The following USP14 variants were observed in gnomAD, a reference collection of about 807,000 sequenced individuals.
USP14 encodes the protein ubiquitin carboxyl-terminal hydrolase 14.
Under a neutral mutation model 76.5 loss-of-function variants are expected in USP14, and 38 were observed. That is an observed-to-expected ratio of 0.50 (90% confidence interval 0.38 to 0.65). USP14 has a LOEUF of 0.65. USP14 is among the 30% of genes least tolerant of loss of function. The pLI, the probability that USP14 is intolerant of heterozygous loss-of-function variation, is 0.00. For synonymous variants in USP14, 192 were observed against 191.7 expected (o/e 1.00, Z -0.01); for missense variants, 467 against 586.5 (o/e 0.80, Z 2.10).
intron 13 of USP14, among the ~76,000 whole-genome samples, chr18:206,065 G>T (rs2143094141): frequency 1.3e-5 from 2 of 152,296 alleles, no homozygotes; most frequent in East Asian, 3.9e-4. Context: ...CATTTCTCTG[G>T]AATGAATGCC....
At chr18:177,633 G>GTTTT (rs11438659) in intron 3 of USP14, among the ~76,000 whole-genome samples, 3 of 139,194 alleles carry the variant, frequency 2.2e-5, no homozygotes, top group Non-Finnish European at 3.1e-5. Flanking sequence ...TTCCCTCCCT[G>GTTTT]TTTTTTTTTT....
Position 165,599 on chromosome 18 carries a change from G to C in USP14, c.163-1188G>C, listed in dbSNP as rs149620609. 4.4e-4 allele frequency among the ~76,000 whole-genome samples: 67 copies of C among 152,268 alleles called. 1 individual carries two copies. The East Asian group carries it at 0.011, about 25-fold the overall frequency. On this transcript the variant is annotated intron_variant, in intron 2 of 15. Coordinates refer to ENST00000261601, the MANE Select transcript of USP14 (RefSeq NM_005151.4). The stretch of plus-strand genomic sequence containing the variant: ...TATTTTCTTTAATTCTCAGCTGTAT[G>C]TTATCCATATCTTATATATGAGGAA...
chr18:202,103 TTTTG>T (rs1326821633), intron 10 of USP14, among the ~76,000 whole-genome samples: 4 of 152,242 alleles, frequency 2.6e-5, no homozygotes, highest in African/African-American at 7.2e-5. Flanking sequence ...CTAATTTCTT[TTTTG>T]TTTGTTTTCT....
At position 171,024 on chromosome 18, in the gene USP14, AAATATATATATAT is replaced by A. The variant is rs1280088166; in HGVS notation, c.195+4207_195+4219del. ...CCCTGGAACTTAAAAAAAAAAAAAA[AAATATATATATAT>A]ATATATATATATATATATAAACTGA... On this transcript the variant is annotated intron_variant, in intron 3 of 15. Transcript: ENST00000261601. Among the ~76,000 whole-genome samples the A allele has an allele frequency of 9.1e-3, 534 of 58,804 alleles. 13 individuals carry two copies. The highest frequency in any genetic ancestry group is 0.025 in the African/African-American group (360 of 14,214). The allele number at this position is 58,804 out of a possible 152,430, so 38.6% of individuals were successfully genotyped here.
At chr18:187,601 A>G (rs559499269) in intron 5 of USP14, among the ~76,000 whole-genome samples, 16 of 152,288 alleles carry the variant, frequency 1.1e-4, no homozygotes, top group Non-Finnish European at 2.1e-4. Context: ...GACTTTCAGT[A>G]AGATGGATTT....
At chr18:202,648 C>T (rs1333733797) in intron 10 of USP14, among the ~76,000 whole-genome samples, 3 of 152,092 alleles carry the variant, frequency 2.0e-5, no homozygotes, top group African/African-American at 4.8e-5. Flanking sequence ...TATTTACACT[C>T]GGAGGAATCC....
rs990544192 is a variant in USP14 at position 203,633 on chromosome 18, G to A, written c.1035+443G>A. Among the ~76,000 whole-genome samples the A allele has an allele frequency of 7.0e-4, 106 of 150,776 alleles. 1 individual carries two copies. Among genetic ancestry groups the A allele is most frequent in the African/African-American group, 2.3e-3 (95 of 41,128 alleles). The stretch of plus-strand genomic sequence containing the variant: ...GTTTCTTTCTTTTTTTTTTTGAGAC[G>A]GAGTCTCGCTCTGTCACCCAGGCTG... On this transcript the variant is annotated intron_variant, in intron 12 of 15. Transcript: ENST00000261601.
At chr18:208,081 GTTTAT>G (rs1179630018) in intron 13 of USP14, among the ~76,000 whole-genome samples, 7 of 151,538 alleles carry the variant, frequency 4.6e-5, no homozygotes, top group South Asian at 2.1e-4. Flanking sequence ...AGTTTTATTT[GTTTAT>G]TTTATTTTAT....
intron 5 of USP14, among the ~76,000 whole-genome samples, chr18:182,743 G>A (rs1488628497): frequency 1.3e-5 from 2 of 152,216 alleles, no homozygotes; most frequent in Non-Finnish European, 2.9e-5. Flanking sequence ...AAACAGTTAG[G>A]TGTTATCCCA....
At position 201,092 on chromosome 18, in the gene USP14, T is replaced by C. The variant is rs551318697; in HGVS notation, c.876+1776T>C. ...CTGGGATTATAGGAATGAGCCACCG[T>C]GCCCAGCCAGGATTATTTATTTTAA... On this transcript the variant is annotated intron_variant, in intron 10 of 15. Transcript: ENST00000261601. Among the ~76,000 whole-genome samples, 41 of 152,350 alleles carry C rather than the reference T, an allele frequency of 2.7e-4. No individual in the cohort carries two copies. The East Asian group carries it at 4.4e-3, about 16-fold the overall frequency.
At position 203,083 on chromosome 18, in the gene USP14, A is replaced by AT. The variant is rs1910427591; in HGVS notation, c.943-11dup. On this transcript the variant is annotated splice_polypyrimidine_tract_variant and intron_variant, in intron 11 of 15. Coordinates refer to ENST00000261601, the MANE Select transcript of USP14 (RefSeq NM_005151.4). ...TTTTGATGTAATGGGATTTCTTTAC[A>AT]TTTTGTCTCCTCAGTCCAAGATCAG... 1.9e-6 allele frequency: 3 copies of AT among 1,612,032 alleles called. No homozygotes were observed. The highest frequency in any genetic ancestry group is 2.5e-6 in the Non-Finnish European group (3 of 1,179,362).
intron 5 of USP14, among the ~76,000 whole-genome samples, chr18:184,274 C>T (rs912238212): frequency 1.3e-5 from 2 of 152,062 alleles, no homozygotes; most frequent in African/African-American, 4.8e-5. Flanking sequence ...AGAGAGTGCA[C>T]TTACTAACGT....
chr18:158,589 C>T lies in USP14; in HGVS notation c.-110C>T. 5 of 1,202,886 alleles carry T rather than the reference C, an allele frequency of 4.2e-6. No homozygotes were observed. The highest frequency in any genetic ancestry group is 1.9e-4 in the Middle Eastern group (1 of 5,218). 74.5% of individuals were successfully genotyped at this position (1,202,886 alleles called of 1,614,324 possible). ...ACTCGTCGCACCGAAGCCGCCGCCA[C>T]CACCGCGCCTCCGCCTCGGCCGCCG... is the stretch of plus-strand genomic sequence containing the variant. On this transcript the variant is annotated 5_prime_UTR_variant, in exon 1 of 16. Transcript: ENST00000261601.
chr18:171,044 A>ATATATATATATATATATATATATC (rs1351228386), intron 3 of USP14, among the ~76,000 whole-genome samples: 1 of 139,744 alleles, frequency 7.2e-6, no homozygotes, highest in East Asian at 2.2e-4. Context: ...ATATATATAT[A>ATATATATATATATATATATATATC]TATATATATA....
intron 3 of USP14, among the ~76,000 whole-genome samples, chr18:178,584 A>G (rs1311427929): frequency 6.6e-6 from 1 of 152,186 alleles, no homozygotes; most frequent in Non-Finnish European, 1.5e-5. Context: ...ATCACGAAAA[A>G]GTTTCTTTGT....
Position 213,156 on chromosome 18 carries a change from C to CTTT in USP14, c.*1876_*1878dup, listed in dbSNP as rs940235458. 5 of 151,982 alleles carry CTTT rather than the reference C, an allele frequency of 3.3e-5. No homozygotes were observed. In the South Asian group the frequency reaches 1.0e-3, roughly 32 times the overall value. The allele number at this position is 151,982 out of a possible 1,614,324, so 9.4% of individuals were successfully genotyped here. ...TATGATGCTTGTAACTTTGCAAAGT[C>CTTT]TTTTTTATTCATTGTCTCATTTGGT... is the stretch of plus-strand genomic sequence containing the variant. On this transcript the variant is annotated 3_prime_UTR_variant, in exon 16 of 16. Coordinates refer to ENST00000261601, the MANE Select transcript of USP14 (RefSeq NM_005151.4).
chr18:158,841 C>T, intron 1 of USP14, 127 bp downstream of exon 1: 9 of 1,246,014 alleles, frequency 7.2e-6, no homozygotes, highest in Non-Finnish European at 9.1e-6. Flanking sequence ...GCGGGGCCGG[C>T]GGCGCGGAGA....
rs1371808460 is a variant in USP14, at chr18:171,038, A to G, written c.195+4219A>G. Among the ~76,000 whole-genome samples the G allele has an allele frequency of 3.7e-5, 5 of 134,278 alleles. 1 individual carries two copies. The highest frequency in any genetic ancestry group is 6.2e-5 in the Non-Finnish European group (4 of 64,468). The allele number at this position is 134,278 out of a possible 152,430, so 88.1% of individuals were successfully genotyped here. A position where few individuals can be genotyped will look rare whatever the true frequency, so the allele number is the denominator to read the frequency against. ...AAAAAAAAAAAAAATATATATATAT[A>G]TATATATATATATATATAAACTGAA... On this transcript the variant is annotated intron_variant, in intron 3 of 15. Transcript: ENST00000261601.
At chr18:175,314 A>G (rs1401515671) in intron 3 of USP14, among the ~76,000 whole-genome samples, 1 of 152,100 alleles carries the variant, frequency 6.6e-6, no homozygotes, top group East Asian at 1.9e-4. Flanking sequence ...GCTGAGTAGA[A>G]GTGGTTGATA....
Sources: allele counts gnomAD v4.1 joint callset (sites outside exome capture counted in the v4.1 genomes callset), GRCh38; gene constraint gnomAD v4.1.1; transcripts MANE v1.5; gene names NCBI Gene and HGNC (gene_info 2026-07-23, HGNC 2026-07-21).